Variants in ADAMTS9 observed in about 807,000 individuals in gnomAD.
The protein encoded by ADAMTS9 is A disintegrin and metalloproteinase with thrombospondin motifs 9.
ADAMTS9 carries 107 observed loss-of-function variants against 257.1 expected under a neutral mutation model. That is an observed-to-expected ratio of 0.42 (90% CI 0.36 to 0.49). ADAMTS9 has a LOEUF of 0.49. Among genes scored for constraint, ADAMTS9 ranks in the 20% least tolerant of loss-of-function variants. The probability of loss-of-function intolerance (pLI) is 0.03; values close to 1 mark genes in which losing one functional copy is unlikely to be tolerated. For missense variants in ADAMTS9, 2,353 were observed against 2,469.1 expected (o/e 0.95, Z 1.00); for synonymous variants, 982 against 880.9 (o/e 1.11, Z -2.03).
intron 30 of ADAMTS9, among the ~76,000 whole-genome samples, chr3:64,559,284 A>C (rs1406165836): frequency 6.6e-6 from 1 of 152,118 alleles, no homozygotes; most frequent in Non-Finnish European, 1.5e-5. Context: ...GGGAAACATG[A>C]AGACTTTTGG....
intron 3 of ADAMTS9, among the ~76,000 whole-genome samples, chr3:64,674,730 A>AG (rs1701582797): frequency 6.6e-6 from 1 of 152,172 alleles, no homozygotes; most frequent in African/African-American, 2.4e-5. Flanking sequence ...AGTCAGCCAA[A>AG]GCTTCCGTCA....
intron 22 of ADAMTS9, among the ~76,000 whole-genome samples, chr3:64,611,800 C>T (rs1344963068): frequency 6.6e-6 from 1 of 152,076 alleles, no homozygotes; most frequent in Non-Finnish European, 1.5e-5. Context: ...GGCCCATGGC[C>T]CATGACCCAA....
intron 4 of ADAMTS9, 145 bp downstream of exon 4, chr3:64,658,357 C>A (rs1701137232): frequency 4.6e-6 from 4 of 862,428 alleles, no homozygotes; most frequent in South Asian, 3.7e-5. Flanking sequence ...AGGCAACCAA[C>A]AAATAATCTT....
chr3:64,600,666 A>T (rs2084443733), intron 26 of ADAMTS9, among the ~76,000 whole-genome samples: 1 of 152,204 alleles, frequency 6.6e-6, no homozygotes, highest in Non-Finnish European at 1.5e-5. Flanking sequence ...CAGAACTGAA[A>T]TCTCTTCTAA....
intron 38 of ADAMTS9, among the ~76,000 whole-genome samples, chr3:64,529,261 G>C (rs1460501762): frequency 6.6e-6 from 1 of 152,224 alleles, no homozygotes; most frequent in African/African-American, 2.4e-5. Flanking sequence ...TTGATATTGA[G>C]ACTGATTTTG....
rs2084575271 is a variant in ADAMTS9 at position 64,607,220 on chromosome 3, G to A, written c.3355-141C>T. 3.0e-6 allele frequency: 3 copies of A among 983,870 alleles called. No individual in the cohort carries two copies. The South Asian group carries it at 4.8e-5, about 16-fold the overall frequency. The allele number at this position is 983,870 out of a possible 1,614,324, so 60.9% of individuals were successfully genotyped here. ...GCGCTCAAATAAACTAGGTCGAAGT[G>A]GGCAATCCTGCTCTGTACAAATTAT... On this transcript the variant is annotated intron_variant, in intron 22 of 39. Coordinates refer to ENST00000498707, the MANE Select transcript of ADAMTS9 (RefSeq NM_182920.2).
Position 64,622,181 on chromosome 3 carries a change from A to G in ADAMTS9, c.2686+17T>C. 3.8e-6 allele frequency: 6 copies of G among 1,588,208 alleles called. No homozygotes were observed. The highest frequency in any genetic ancestry group is 3.4e-6 in the Non-Finnish European group (4 of 1,168,432). On this transcript the variant is annotated intron_variant, in intron 18 of 39. Transcript: ENST00000498707. ...TAAACTTCTCAAATCCCCAGAACTC[A>G]AATTCAAAGCAGATACCTTGGCAGG...
chr3:64,674,624 A>C (rs1701579890), intron 3 of ADAMTS9, among the ~76,000 whole-genome samples: 1 of 152,200 alleles, frequency 6.6e-6, no homozygotes, highest in Non-Finnish European at 1.5e-5. Context: ...AGAATGCAGA[A>C]AGTGTGTGGT....
At chr3:64,545,562 A>G (rs960771550) in intron 32 of ADAMTS9, among the ~76,000 whole-genome samples, 16 of 152,204 alleles carry the variant, frequency 1.1e-4, no homozygotes, top group African/African-American at 3.9e-4. Context: ...GAACAATGAG[A>G]ACACTTGGAC....
At chr3:64,585,561 T>C (rs1351077419) in intron 28 of ADAMTS9, among the ~76,000 whole-genome samples, 1 of 152,152 alleles carries the variant, frequency 6.6e-6, no homozygotes, top group Non-Finnish European at 1.5e-5. Flanking sequence ...TGAGATCACA[T>C]TTTAGTAAAT....
intron 39 of ADAMTS9, among the ~76,000 whole-genome samples, chr3:64,517,415 G>GTTTTTTTTTTTTTT (rs1242670245): frequency 2.3e-3 from 27 of 11,542 alleles, no homozygotes; most frequent in African/African-American, 2.9e-3. Context: ...AATTAAAAAT[G>GTTTTTTTTTTTTTT]GTTTTTTTTT....
intron 26 of ADAMTS9, among the ~76,000 whole-genome samples, chr3:64,600,212 T>C (rs1190136635): frequency 1.3e-5 from 2 of 152,156 alleles, no homozygotes; most frequent in African/African-American, 4.8e-5. Context: ...TTTTCTGCCA[T>C]GGAAGGCAGG....
intron 28 of ADAMTS9, among the ~76,000 whole-genome samples, chr3:64,570,270 T>G (rs2083646396): frequency 6.6e-6 from 1 of 152,156 alleles, no homozygotes; most frequent in African/African-American, 2.4e-5. Flanking sequence ...TGAGGGAAGC[T>G]GACATTAATT....
intron 16 of ADAMTS9, among the ~76,000 whole-genome samples, chr3:64,627,955 A>G (rs78126620): frequency 6.6e-6 from 1 of 152,214 alleles, no homozygotes; most frequent in Non-Finnish European, 1.5e-5. Context: ...AAATATTTAC[A>G]TATGCCAGAC....
intron 3 of ADAMTS9, among the ~76,000 whole-genome samples, chr3:64,679,844 A>G (rs1701711091): frequency 6.6e-6 from 1 of 152,246 alleles, no homozygotes; most frequent in Admixed American, 6.5e-5. Context: ...TGTCCTGTCC[A>G]TTAAACTTGC....
chr3:64,600,498 A>G (rs904271804), intron 26 of ADAMTS9, among the ~76,000 whole-genome samples: 8 of 152,372 alleles, frequency 5.3e-5, no homozygotes, highest in African/African-American at 1.9e-4. Context: ...GGAATGCATC[A>G]TCCCCAAATG....
intron 32 of ADAMTS9, 127 bp downstream of exon 32, chr3:64,546,631 C>T (rs2083203207): frequency 1.0e-6 from 1 of 1,000,670 alleles, no homozygotes; most frequent in Admixed American, 3.0e-5. Context: ...TAGCCCATTT[C>T]AAGTTGCTAA....
chr3:64,643,393 C>G (rs1662959154), intron 11 of ADAMTS9, among the ~76,000 whole-genome samples: 1 of 148,588 alleles, frequency 6.7e-6, no homozygotes, highest in Non-Finnish European at 1.5e-5. Context: ...TTAGCCCAAT[C>G]TATCTAACAC....
At chr3:64,649,941 G>T in intron 9 of ADAMTS9, 163 bp from the exon 10 acceptor site, 1 of 913,982 alleles carries the variant, frequency 1.1e-6, no homozygotes, top group Non-Finnish European at 1.6e-6. Flanking sequence ...AGATGCTGAA[G>T]TTACATTTTT....
Sources: allele counts gnomAD v4.1 joint callset (sites outside exome capture counted in the v4.1 genomes callset), GRCh38; gene constraint gnomAD v4.1.1; transcripts MANE v1.5; gene names NCBI Gene and HGNC (gene_info 2026-07-23, HGNC 2026-07-21).